The following GFER variants were observed in gnomAD, a reference collection of about 807,000 sequenced individuals.
GFER encodes the protein FAD-linked sulfhydryl oxidase ALR.
In GFER, 24 loss-of-function variants were observed where a neutral mutation model predicts 18.2. The observed-to-expected ratio is 1.32, with a 90% CI of 0.96 to 1.86. The LOEUF is 1.86. Ranked by LOEUF, GFER falls within the 40% of genes most tolerant of loss-of-function variation. The probability of loss-of-function intolerance (pLI) is 0.00; values close to 1 mark genes in which losing one functional copy is unlikely to be tolerated. For missense variants in GFER, 316 were observed against 295.6 expected (o/e 1.07, Z -0.51); for synonymous variants, 138 against 126.9 (o/e 1.09, Z -0.59).
chr16:1,984,421 G>C lies in GFER; in HGVS notation c.203G>C (p.Arg68Thr), dbSNP rs1028643548. The C allele has an allele frequency of 3.2e-6, 5 of 1,544,016 alleles. No individual in the cohort carries two copies. The highest frequency in any genetic ancestry group is 4.4e-6 in the Non-Finnish European group (5 of 1,148,606). The change falls in exon 1 of 3, where the codon AGG (arginine) becomes ACG (threonine). Residue 68 changes from arginine to threonine, a missense_variant. Coordinates refer to ENST00000248114, the MANE Select transcript of GFER (RefSeq NM_005262.3). ...CCTGTCGCCGAGGACGCCTCCCGGA[G>C]GCGGCCGTGCCGGGCCTGCGTCGAC... ...DSPVAEDASR[R>T]RPCRACVDFK... is the part of the protein sequence containing the mutation.
rs1163584841 is a variant in GFER at position 1,984,253 on chromosome 16, G to C, written c.35G>C (p.Gly12Ala). 66 of 1,479,774 alleles carry C rather than the reference G, an allele frequency of 4.5e-5. No homozygotes were observed. Among genetic ancestry groups the C allele is most frequent in the Non-Finnish European group, 5.6e-5 (63 of 1,122,628 alleles). 91.7% of individuals were successfully genotyped at this position (1,479,774 alleles called of 1,614,324 possible). Residue 12 changes from glycine to alanine, a missense_variant, in exon 1 of 3, where the codon GGC becomes GCC. Transcript: ENST00000248114. ...AAPGERGRFH[G>A]GNLFFLPGGA... ...CCCGGCGAGCGGGGCCGCTTCCACG[G>C]CGGGAACCTCTTCTTCCTGCCGGGG... is the stretch of plus-strand genomic sequence containing the variant.
At chr16:1,985,586 A>C (rs1039422386) in intron 2 of GFER, among the ~76,000 whole-genome samples, 2 of 152,210 alleles carry the variant, frequency 1.3e-5, no homozygotes, top group South Asian at 4.1e-4. Context: ...AGGAGCTTAT[A>C]AAATTGCCAG....
intron 2 of GFER, among the ~76,000 whole-genome samples, 168 bp from the exon 3 acceptor site, chr16:1,985,698 G>A (rs1257857662): frequency 1.3e-5 from 2 of 152,232 alleles, no homozygotes; most frequent in Admixed American, 6.5e-5. Context: ...CCGGGGAGCT[G>A]CAGGGTCAGC....
At chr16:1,985,032 C>T in intron 2 of GFER, 89 bp downstream of exon 2, 3 of 1,057,346 alleles carry the variant, frequency 2.8e-6, no homozygotes, top group Non-Finnish European at 4.3e-6. Flanking sequence ...CGTAGAGAAA[C>T]GGATGCAGAG....
chr16:1,984,390 G>T lies in GFER; in HGVS notation c.172G>T (p.Asp58Tyr). ...GACGCCAGCCCAGGCGCCGACCTCC[G>T]ATTCTCCTGTCGCCGAGGACGCCTC... ...ASTPAQAPTSDSPVAEDASRR... is the reference protein window; with the variant it reads ...ASTPAQAPTSYSPVAEDASRR... The change falls in exon 1 of 3, where the codon GAT becomes TAT. Residue 58 changes from aspartate to tyrosine, a missense_variant. Asp to Tyr is a radical substitution (Grantham distance 160). Transcript: ENST00000248114. 1 of 1,535,400 alleles carries T rather than the reference G, an allele frequency of 6.5e-7. No individual in the cohort carries two copies. Among genetic ancestry groups the T allele is most frequent in the Non-Finnish European group, 8.7e-7 (1 of 1,145,128 alleles).
At position 1,986,224 on chromosome 16, in the gene GFER, G is replaced by GC; in HGVS notation, c.*201dup. On this transcript the variant is annotated 3_prime_UTR_variant, in exon 3 of 3. Transcript: ENST00000248114. ...AGGTGCCCACAGCAGGTACCCACTG[G>GC]CCCCCTCCTCAGTGGAGACCCCAAG... The GC allele has an allele frequency of 1.6e-6, 1 of 640,406 alleles. No homozygotes were observed. The highest frequency in any genetic ancestry group is 4.1e-4 in the Middle Eastern group (1 of 2,410). 39.7% of individuals were successfully genotyped at this position (640,406 alleles called of 1,614,324 possible).
At position 1,985,893 on chromosome 16, in the gene GFER, C is replaced by T; in HGVS notation, c.483C>T (p.Arg161=). 1 of 1,612,806 alleles carries T rather than the reference C, an allele frequency of 6.2e-7. No individual in the cohort carries two copies. The highest frequency in any genetic ancestry group is 8.5e-7 in the Non-Finnish European group (1 of 1,179,962). The change falls in exon 3 of 3, where the codon CGC becomes CGT. Residue 161 remains arginine, a synonymous_variant. Coordinates refer to ENST00000248114, the MANE Select transcript of GFER (RefSeq NM_005262.3). ...KRLCRNHPDT[R]TRACFTQWLC... ...TGTGCAGGAACCACCCAGACACCCG[C>T]ACCCGGGCATGCTTCACACAGTGGC...
intron 1 of GFER, 102 bp downstream of exon 1, chr16:1,984,578 C>G: frequency 7.0e-7 from 1 of 1,425,280 alleles, no homozygotes; most frequent in East Asian, 2.4e-5. Context: ...GTCCCTGAAC[C>G]TTGCCCCCCG....
chr16:1,986,010 G>A lies in GFER; in HGVS notation c.600G>A (p.Lys200=), dbSNP rs200271594. The part of the protein sequence containing the change: ...KVDERWRDGW[K]DGSCD ...ATGAGCGCTGGCGCGACGGCTGGAAGGATGGCTCCTGTGACTAGAGGGTGG... is the reference window on the plus strand; with the variant it reads ...ATGAGCGCTGGCGCGACGGCTGGAAAGATGGCTCCTGTGACTAGAGGGTGG... The change falls in exon 3 of 3, where the codon AAG becomes AAA. Residue 200 remains lysine, a synonymous_variant. Coordinates refer to ENST00000248114, the MANE Select transcript of GFER (RefSeq NM_005262.3). 2.8e-5 allele frequency: 45 copies of A among 1,612,856 alleles called. No homozygotes were observed. The Admixed American group carries it at 4.3e-4, about 16-fold the overall frequency.
Position 1,984,283 on chromosome 16 carries a change from C to T in GFER, c.65C>T (p.Ala22Val), listed in dbSNP as rs1322950310. 2 of 1,478,036 alleles carry T rather than the reference C, an allele frequency of 1.4e-6. No homozygotes were observed. Among genetic ancestry groups the T allele is most frequent in the Non-Finnish European group, 1.8e-6 (2 of 1,121,694 alleles). 91.6% of individuals were successfully genotyped at this position (1,478,036 alleles called of 1,614,324 possible). A position where few individuals can be genotyped will look rare whatever the true frequency, so the allele number is the denominator to read the frequency against. Residue 22 changes from alanine to valine, a missense_variant, in exon 1 of 3, where the codon GCG becomes GTG. By Grantham distance (64) the Ala-to-Val change is moderately conservative. Transcript: ENST00000248114. ...GGNLFFLPGG[A>V]RSEMMDDLAT... ...AACCTCTTCTTCCTGCCGGGGGGCG[C>T]GCGCTCCGAGATGATGGACGACCTG...
intron 1 of GFER, 28 bp from the exon 2 acceptor site, chr16:1,984,719 C>G (rs770846566): frequency 1.9e-5 from 30 of 1,586,370 alleles, no homozygotes; most frequent in African/African-American, 2.7e-5. Context: ...GGAGAATGAA[C>G]TCACTCTCGG....
chr16:1,986,037 C>T lies in GFER; in HGVS notation c.*9C>T. ...ATGGCTCCTGTGACTAGAGGGTGGT[C>T]AGCCAGAGCTCATGGGACAGCTAGC... On this transcript the variant is annotated 3_prime_UTR_variant, in exon 3 of 3. Transcript: ENST00000248114. 3 of 1,611,946 alleles carry T rather than the reference C, an allele frequency of 1.9e-6. No homozygotes were observed. In the East Asian group the frequency reaches 6.7e-5, roughly 36 times the overall value.
At chr16:1,985,760 G>C in intron 2 of GFER, 106 bp from the exon 3 acceptor site, 1 of 1,053,012 alleles carries the variant, frequency 9.5e-7, no homozygotes, top group Non-Finnish European at 1.5e-6. Flanking sequence ...CCCAGGTGTA[G>C]TTCACAGCAG....
intron 2 of GFER, among the ~76,000 whole-genome samples, chr16:1,985,255 C>T (rs2150895483): frequency 6.6e-6 from 1 of 152,380 alleles, no homozygotes; most frequent in South Asian, 2.1e-4. Flanking sequence ...CTTTGCCTGA[C>T]TTCTAGAGTA....
chr16:1,985,730 C>T (rs556266225), intron 2 of GFER, 136 bp from the exon 3 acceptor site: 2 of 850,010 alleles, frequency 2.4e-6, no homozygotes, highest in East Asian at 2.4e-5. Context: ...AGTGCCTGTA[C>T]CTTGGAGCAT....
chr16:1,986,792 G>C lies in GFER; in HGVS notation c.*764G>C, dbSNP rs1338662721. On this transcript the variant is annotated 3_prime_UTR_variant, in exon 3 of 3. Coordinates refer to ENST00000248114, the MANE Select transcript of GFER (RefSeq NM_005262.3). ...GGGTCCTGGTTCCTCAGGAGAGAGA[G>C]ACCACAGGGTGAGAGTGAGCCAGGA... 6.5e-6 allele frequency: 1 copy of C among 154,362 alleles called. No homozygotes were observed. Among genetic ancestry groups the C allele is most frequent in the African/African-American group, 2.4e-5 (1 of 41,468 alleles). The allele number at this position is 154,362 out of a possible 1,614,324, so 9.6% of individuals were successfully genotyped here.
chr16:1,985,022 C>A lies in GFER; in HGVS notation c.455+79C>A. The A allele has an allele frequency of 3.6e-6, 4 of 1,114,676 alleles. No individual in the cohort carries two copies. In the South Asian group the frequency reaches 3.7e-5, roughly 10 times the overall value. 69.0% of individuals were successfully genotyped at this position (1,114,676 alleles called of 1,614,324 possible). A position where few individuals can be genotyped will look rare whatever the true frequency, so the allele number is the denominator to read the frequency against. On this transcript the variant is annotated intron_variant, in intron 2 of 2. Transcript: ENST00000248114. ...TCCTGGCTGACGTTATAGCGGGGAA[C>A]GTAGAGAAACGGATGCAGAGGTGGC...
In GFER at chr16:1,984,236, G is replaced by A; in HGVS notation, c.18G>A (p.Glu6=). Residue 6 remains glutamate, a synonymous_variant, in exon 1 of 3, where the codon GAG becomes GAA. Coordinates refer to ENST00000248114, the MANE Select transcript of GFER (RefSeq NM_005262.3). ...CGGGCAACATGGCGGCGCCCGGCGA[G>A]CGGGGCCGCTTCCACGGCGGGAACC... MAAPG[E]RGRFHGGNLF... The A allele has an allele frequency of 6.8e-7, 1 of 1,475,972 alleles. No individual in the cohort carries two copies. The highest frequency in any genetic ancestry group is 8.9e-7 in the Non-Finnish European group (1 of 1,120,398). The allele number at this position is 1,475,972 out of a possible 1,614,324, so 91.4% of individuals were successfully genotyped here.
At chr16:1,985,070 A>T in intron 2 of GFER, 127 bp downstream of exon 2, 1 of 758,708 alleles carries the variant, frequency 1.3e-6, no homozygotes, top group South Asian at 1.5e-5. Context: ...AGGAGCAGGG[A>T]CCTCCAACAG....
Sources: gnomAD v4.1 joint callset for allele counts (sites outside exome capture counted in the v4.1 genomes callset) on GRCh38, gnomAD v4.1.1 for gene constraint, MANE v1.5 for transcripts, NCBI Gene and HGNC (gene_info 2026-07-23, HGNC 2026-07-21) for gene names.